Variants in SLC14A2 observed in about 807,000 individuals in gnomAD.
SLC14A2 encodes solute carrier family 14 member 2.
A neutral mutation model predicts 104.6 loss-of-function variants in SLC14A2; 91 were observed. The ratio of observed to expected loss-of-function variants is 0.87; its 90% CI spans 0.73 to 1.04. SLC14A2 has a LOEUF of 1.04. Among genes scored for constraint, SLC14A2 ranks in the 50% least tolerant of loss-of-function variants. SLC14A2 has a pLI of 0.00. For missense variants in SLC14A2, 1,189 were observed against 1,156.0 expected, an observed-to-expected ratio of 1.03 and a Z score of -0.41; for synonymous variants, 476 against 466.4, an observed-to-expected ratio of 1.02 and a Z score of -0.27.
At chr18:45,215,356 C>A (rs910753434) in intron 1 of SLC14A2, among the ~76,000 whole-genome samples, 11 of 152,086 alleles carry the variant, frequency 7.2e-5, no homozygotes, top group African/African-American at 1.9e-4. Context: ...GCCTAGTCAA[C>A]TTTTAAGATT....
At chr18:45,290,464 G>A (rs1375563557) in intron 1 of SLC14A2, among the ~76,000 whole-genome samples, 2 of 152,226 alleles carry the variant, frequency 1.3e-5, no homozygotes, top group African/African-American at 4.8e-5. Flanking sequence ...GCATGCAACA[G>A]GGAGAGAAAA....
chr18:45,561,453 G>T (rs569401964), intron 2 of SLC14A2, among the ~76,000 whole-genome samples: 1 of 152,268 alleles, frequency 6.6e-6, no homozygotes, highest in South Asian at 2.1e-4. Flanking sequence ...CACGTTCCTG[G>T]CCTGGCTGCA....
intron 19 of SLC14A2, among the ~76,000 whole-genome samples, chr18:45,680,516 G>A (rs1423977469): frequency 2.0e-5 from 3 of 152,172 alleles, no homozygotes; most frequent in South Asian, 4.1e-4. Flanking sequence ...TAAAAATGTT[G>A]AATGACATTT....
Position 45,683,550 on chromosome 18 carries a change from T to C in SLC14A2, c.*1031T>C, listed in dbSNP as rs759106965. The C allele has an allele frequency of 3.9e-5, 6 of 152,254 alleles. No individual in the cohort carries two copies. The highest frequency in any genetic ancestry group is 8.8e-5 in the Non-Finnish European group (6 of 68,040). The allele number at this position is 152,254 out of a possible 1,614,324, so 9.4% of individuals were successfully genotyped here. Reference sequence around the variant, plus strand: ...ATTCACTGAAAATGCCAATGTGCTTTCCTTTACATTACAGAAATATTTCTG... The same window carrying C: ...ATTCACTGAAAATGCCAATGTGCTTCCCTTTACATTACAGAAATATTTCTG... On this transcript the variant is annotated 3_prime_UTR_variant, in exon 20 of 20. Coordinates refer to ENST00000255226, the MANE Select transcript of SLC14A2 (RefSeq NM_007163.4).
chr18:45,179,640 A>C, the SLC14A2 span, among the ~76,000 whole-genome samples: 1 of 152,210 alleles, frequency 6.6e-6, no homozygotes, highest in African/African-American at 2.4e-5. Flanking sequence ...AGGTTATAGC[A>C]TAATTTCTAT....
intron 1 of SLC14A2, among the ~76,000 whole-genome samples, chr18:45,451,955 T>G (rs1026224254): frequency 3.0e-4 from 45 of 152,146 alleles, no homozygotes; most frequent in African/African-American, 1.0e-3. Flanking sequence ...ATCAGAACCT[T>G]AGTTAATCAC....
chr18:45,212,489 A>T (rs1010155593), upstream of SLC14A2, among the ~76,000 whole-genome samples: 1 of 152,218 alleles, frequency 6.6e-6, no homozygotes, highest in African/African-American at 2.4e-5. Flanking sequence ...AGGTTACATG[A>T]GAAAGCACAT....
intron 1 of SLC14A2, among the ~76,000 whole-genome samples, chr18:45,379,069 C>T (rs1443912480): frequency 6.6e-6 from 1 of 152,186 alleles, no homozygotes; most frequent in East Asian, 1.9e-4. Context: ...CCCACTTTTA[C>T]TTTTACCCAA....
chr18:45,667,852 G>C lies in SLC14A2; in HGVS notation c.1737G>C (p.Gln579His), dbSNP rs777866188. The C allele has an allele frequency of 1.2e-6, 2 of 1,614,004 alleles. No individual in the cohort carries two copies. The highest frequency in any genetic ancestry group is 1.7e-6 in the Non-Finnish European group (2 of 1,179,992). ...TTTCAGACAAGTCCCCAGTGTTCCA[G>C]TTCTTTGACTGGGTCCTCCGAGGCA... ...EGLKDKSPVFQFFDWVLRGTS... is the reference protein window; with the variant it reads ...EGLKDKSPVFHFFDWVLRGTS... The change falls in exon 14 of 20, where the codon CAG (glutamine) becomes CAC (histidine). Residue 579 changes from glutamine (Q) to histidine (H), a missense_variant. Transcript: ENST00000255226.
intron 1 of SLC14A2, among the ~76,000 whole-genome samples, chr18:45,443,379 T>C (rs536519082): frequency 6.6e-6 from 1 of 152,332 alleles, no homozygotes; most frequent in Admixed American, 6.5e-5. Flanking sequence ...AAAGGCATCA[T>C]CTGATGCTAA....
chr18:45,419,738 C>T (rs1345734963), intron 1 of SLC14A2, among the ~76,000 whole-genome samples: 2 of 150,202 alleles, frequency 1.3e-5, no homozygotes, highest in Non-Finnish European at 1.5e-5. Context: ...CACACCACTG[C>T]ACTCCAGCCT....
At chr18:45,509,285 C>T (rs1053833471) in intron 2 of SLC14A2, among the ~76,000 whole-genome samples, 1 of 151,890 alleles carries the variant, frequency 6.6e-6, no homozygotes, top group African/African-American at 2.4e-5. Context: ...TCATCTCCTC[C>T]CTATATATAT....
At chr18:45,467,815 A>G (rs2087171487) in intron 1 of SLC14A2, among the ~76,000 whole-genome samples, 1 of 152,196 alleles carries the variant, frequency 6.6e-6, no homozygotes, top group South Asian at 2.1e-4. Context: ...AAAGTGATAC[A>G]TATAACGTAG....
chr18:45,542,994 G>T (rs1369869236), intron 2 of SLC14A2, among the ~76,000 whole-genome samples: 2 of 151,868 alleles, frequency 1.3e-5, no homozygotes, highest in African/African-American at 2.4e-5. Context: ...CGTTGCCCAG[G>T]CTGGAGTGCA....
intron 1 of SLC14A2, among the ~76,000 whole-genome samples, chr18:45,309,316 T>C (rs2085054507): frequency 6.6e-6 from 1 of 151,846 alleles, no homozygotes; most frequent in Non-Finnish European, 1.5e-5. Flanking sequence ...TATGGGTAAC[T>C]ATAATTCTCA....
At chr18:45,222,180 C>T (rs1348328655) in intron 1 of SLC14A2, among the ~76,000 whole-genome samples, 4 of 152,120 alleles carry the variant, frequency 2.6e-5, no homozygotes, top group African/African-American at 9.7e-5. Context: ...TCTCAGTTTA[C>T]TTGTTTATTT....
intron 2 of SLC14A2, among the ~76,000 whole-genome samples, chr18:45,600,232 T>C (rs1251252553): frequency 6.6e-6 from 1 of 152,152 alleles, no homozygotes; most frequent in Non-Finnish European, 1.5e-5. Context: ...CTCCCTCTCA[T>C]GGTGTTTTTA....
intron 2 of SLC14A2, among the ~76,000 whole-genome samples, chr18:45,546,590 G>C (rs1289556800): frequency 6.6e-6 from 1 of 152,232 alleles, no homozygotes; most frequent in Non-Finnish European, 1.5e-5. Flanking sequence ...TTCACAAAAA[G>C]TGTATCTTAG....
In SLC14A2 at chr18:45,523,040, C is replaced by T. The variant is rs529235159; in HGVS notation, c.-35+39718C>T. 2.6e-5 allele frequency among the ~76,000 whole-genome samples: 4 copies of T among 152,262 alleles called. No homozygotes were observed. In the South Asian group the frequency reaches 8.3e-4, roughly 32 times the overall value. On this transcript the variant is annotated intron_variant, in intron 2 of 20. Transcript: ENST00000586448. ...AGGGCAGAGTGTCTTACCATGACCCCATAAGTGGTCTACGGCAAGCTGTAG... is the reference window on the plus strand; with the variant it reads ...AGGGCAGAGTGTCTTACCATGACCCTATAAGTGGTCTACGGCAAGCTGTAG...
Sources: gnomAD v4.1 joint callset for allele counts (sites outside exome capture counted in the v4.1 genomes callset) on GRCh38, gnomAD v4.1.1 for gene constraint, MANE v1.5 for transcripts, NCBI Gene and HGNC (gene_info 2026-07-23, HGNC 2026-07-21) for gene names.